Variants in CHRM5 observed in about 807,000 individuals in gnomAD.
CHRM5 encodes cholinergic receptor muscarinic 5.
CHRM5 carries 18 observed loss-of-function variants against 39.0 expected under a neutral mutation model. The observed-to-expected ratio is 0.46, with a 90% CI of 0.32 to 0.68. The LOEUF is 0.68. Ranked by LOEUF, CHRM5 falls within the 30% of genes least tolerant of loss-of-function variation. The probability of loss-of-function intolerance (pLI) is 0.04; values close to 1 mark genes in which losing one functional copy is unlikely to be tolerated. For synonymous variants in CHRM5, 241 were observed against 246.3 expected, an observed-to-expected ratio of 0.98 and a Z score of 0.20; for missense variants, 515 against 651.1, an observed-to-expected ratio of 0.79 and a Z score of 2.28.
At chr15:33,996,489 G>A (rs1028716420) in intron 1 of CHRM5, among the ~76,000 whole-genome samples, 3 of 152,190 alleles carry the variant, frequency 2.0e-5, no homozygotes, top group Admixed American at 6.5e-5. Context: ...CCAGAGGAAG[G>A]ATCAGGCAGC....
intron 1 of CHRM5, among the ~76,000 whole-genome samples, chr15:34,027,096 C>T (rs1352026168): frequency 1.3e-5 from 2 of 152,208 alleles, no homozygotes; most frequent in African/African-American, 4.8e-5. Flanking sequence ...TCAACATATA[C>T]TCTTTCAAAA....
intron 1 of CHRM5, among the ~76,000 whole-genome samples, chr15:34,037,664 GACCCTAAAAA>G (rs1899211148): frequency 6.6e-6 from 1 of 151,412 alleles, no homozygotes; most frequent in Admixed American, 6.6e-5. Context: ...GAGGTAAACT[GACCCTAAAAA>G]TGTTTTTATA....
intron 1 of CHRM5, chr15:34,007,141 G>A (rs567066832): frequency 8.4e-6 from 6 of 711,944 alleles, no homozygotes; most frequent in Non-Finnish European, 1.0e-5. Context: ...AACTACTGCC[G>A]AGCTATTATC....
Position 34,063,522 on chromosome 15 carries a change from G to C in CHRM5, c.805G>C (p.Ala269Pro), listed in dbSNP as rs200786354. 32 of 1,613,674 alleles carry C rather than the reference G, an allele frequency of 2.0e-5. No homozygotes were observed. In the African/African-American group the frequency reaches 3.7e-4, roughly 19 times the overall value. ...CCTGGCCCAGCGGGAAAGGAACCAG[G>C]CCTCCTGGTCATCCTCCCGCAGGAG... ...PTLAQRERNQASWSSSRRSTS... is the reference protein window; with the variant it reads ...PTLAQRERNQPSWSSSRRSTS... Residue 269 changes from alanine to proline, a missense_variant, in exon 3 of 3, where the codon GCC becomes CCC. Physicochemically the swap from Ala to Pro is conservative, Grantham distance 27. Transcript: ENST00000383263. The surrounding 1 kb of genome is among the most constrained non-coding windows in gnomAD (Gnocchi z 4.1).
At chr15:34,028,046 G>A (rs1287514671) in intron 1 of CHRM5, among the ~76,000 whole-genome samples, 1 of 152,140 alleles carries the variant, frequency 6.6e-6, no homozygotes, top group East Asian at 1.9e-4. Flanking sequence ...TAAGGCAGAG[G>A]TGTAAATTTC....
intron 1 of CHRM5, chr15:34,038,672 C>CCGTCTGGCGCG (rs1208847614): frequency 6.3e-5 from 65 of 1,037,728 alleles, no homozygotes; most frequent in Non-Finnish European, 7.2e-5. Context: ...GCGCCGCCGC[C>CCGTCTGGCGCG]CGTCTGGCGC....
At chr15:33,980,028 A>G (rs182423271) in intron 1 of CHRM5, among the ~76,000 whole-genome samples, 1 of 152,324 alleles carries the variant, frequency 6.6e-6, no homozygotes, top group African/African-American at 2.4e-5. Context: ...TAAAGGAAAA[A>G]AAAGAATGAG....
intron 1 of CHRM5, among the ~76,000 whole-genome samples, chr15:34,006,630 T>C (rs575175772): frequency 6.6e-6 from 1 of 152,346 alleles, no homozygotes; most frequent in Admixed American, 6.5e-5. Context: ...ACCGAATTAA[T>C]GGTCCTGCCA....
At chr15:34,002,967 C>T (rs1235070665) in intron 1 of CHRM5, 13 of 1,356,190 alleles carry the variant, frequency 9.6e-6, no homozygotes, top group East Asian at 2.4e-5. Flanking sequence ...AATTTAAAAA[C>T]ATATATAAAA....
At chr15:33,990,203 CA>C (rs974521627) in intron 1 of CHRM5, among the ~76,000 whole-genome samples, 2 of 140,144 alleles carry the variant, frequency 1.4e-5, no homozygotes, top group African/African-American at 5.4e-5. Context: ...GACTCCGTCT[CA>C]AAAAAAAACA....
At chr15:34,038,639 C>A in intron 1 of CHRM5, 9 of 738,334 alleles carry the variant, frequency 1.2e-5, no homozygotes, top group Non-Finnish European at 1.4e-5. Context: ...GCGCCACCAT[C>A]CGCCCGTCCC....
Position 34,063,806 on chromosome 15 carries a change from G to C in CHRM5, c.1089G>C (p.Leu363=). ...KSDYDTPNYL[L]SPAAAHRPKS... is the part of the protein sequence containing the mutation. ...ACTATGACACCCCAAACTACCTTCT[G>C]TCTCCAGCAGCTGCTCATAGACCCA... The change falls in exon 3 of 3, where the codon CTG becomes CTC. Residue 363 remains leucine, a synonymous_variant. Transcript: ENST00000383263. The surrounding 1 kb of genome is among the most constrained non-coding windows in gnomAD (Gnocchi z 4.1). 1.2e-6 allele frequency: 2 copies of C among 1,614,190 alleles called. No individual in the cohort carries two copies. The highest frequency in any genetic ancestry group is 1.7e-6 in the Non-Finnish European group (2 of 1,180,032).
chr15:34,063,603 A>G lies in CHRM5; in HGVS notation c.886A>G (p.Lys296Glu). Reference sequence around the variant, plus strand: ...CACTGGCCCAAGCGCCAATTGGGCCAAAGCTGAGCAGCTCACCACCTGTAG... The same window carrying G: ...CACTGGCCCAAGCGCCAATTGGGCCGAAGCTGAGCAGCTCACCACCTGTAG... ...QATGPSANWA[K>E]AEQLTTCSSY... Residue 296 changes from lysine (K) to glutamate (E), a missense_variant, in exon 3 of 3, where the codon AAA becomes GAA. Transcript: ENST00000383263. The surrounding 1 kb of genome is among the most constrained non-coding windows in gnomAD (Gnocchi z 4.1). 6.2e-7 allele frequency: 1 copy of G among 1,614,000 alleles called. No individual in the cohort carries two copies. Among genetic ancestry groups the G allele is most frequent in the Non-Finnish European group, 8.5e-7 (1 of 1,180,034 alleles).
intron 1 of CHRM5, among the ~76,000 whole-genome samples, 196 bp from the exon 2 acceptor site, chr15:34,046,343 GA>G (rs56286203): frequency 7.1e-6 from 1 of 141,440 alleles, no homozygotes. Flanking sequence ...AGTGAGGCAG[GA>G]AAAAAAAAAA....
chr15:34,014,969 G>C (rs747068960), intron 1 of CHRM5, among the ~76,000 whole-genome samples: 9 of 152,154 alleles, frequency 5.9e-5, no homozygotes, highest in Non-Finnish European at 1.0e-4. Context: ...CCGGATTTGA[G>C]AAGCAGGGAC....
intron 1 of CHRM5, among the ~76,000 whole-genome samples, chr15:34,000,916 C>A (rs1897113266): frequency 6.6e-6 from 1 of 151,970 alleles, no homozygotes; most frequent in African/African-American, 2.4e-5. Context: ...AAGAAAAATA[C>A]ATGAGAGACT....
intron 2 of CHRM5, among the ~76,000 whole-genome samples, chr15:34,052,900 C>T (rs1464776587): frequency 3.9e-5 from 6 of 152,024 alleles, no homozygotes; most frequent in South Asian, 4.2e-4. Flanking sequence ...GAATGAATAT[C>T]ATGAAAATAG....
intron 1 of CHRM5, among the ~76,000 whole-genome samples, chr15:34,017,438 G>A (rs1391394958): frequency 6.7e-6 from 1 of 149,760 alleles, no homozygotes; most frequent in East Asian, 2.0e-4. Flanking sequence ...ATTCTCGTAA[G>A]ATGCCAATTA....
At chr15:34,017,015 A>ATCCTTGT (rs200358414) in intron 1 of CHRM5, among the ~76,000 whole-genome samples, 1 of 151,710 alleles carries the variant, frequency 6.6e-6, no homozygotes, top group Non-Finnish European at 1.5e-5. Flanking sequence ...CCTGTAGTCC[A>ATCCTTGT]AGCTACTCAG....
Sources: allele counts gnomAD v4.1 joint callset (sites outside exome capture counted in the v4.1 genomes callset), GRCh38; gene constraint gnomAD v4.1.1; non-coding constraint Gnocchi (gnomAD v3.1); transcripts MANE v1.5; gene names NCBI Gene and HGNC (gene_info 2026-07-23, HGNC 2026-07-21).